Variants in NCAM1 observed in about 807,000 individuals in gnomAD.
NCAM1 encodes the protein neural cell adhesion molecule 1, also known as antigen recognized by monoclonal antibody 5.1H11.
In NCAM1, 14 loss-of-function variants were observed where a neutral mutation model predicts 109.8. The observed-to-expected ratio is 0.13, with a 90% CI of 0.08 to 0.20. NCAM1 has a LOEUF of 0.20. Ranked by LOEUF, NCAM1 falls within the 10% of genes least tolerant of loss-of-function variation. NCAM1 has a pLI of 1.00. For missense variants in NCAM1, 774 were observed against 1,109.9 expected (o/e 0.70, Z 4.30); for synonymous variants, 418 against 442.9 (o/e 0.94, Z 0.70).
chr11:112,985,569 C>T (rs1432461177), intron 1 of NCAM1, among the ~76,000 whole-genome samples: 1 of 151,542 alleles, frequency 6.6e-6, no homozygotes, highest in Non-Finnish European at 1.5e-5. Flanking sequence ...TTTATTTGTG[C>T]CTTCTTCAAT....
intron 1 of NCAM1, among the ~76,000 whole-genome samples, chr11:113,157,315 G>A (rs1942449657): frequency 6.6e-6 from 1 of 152,134 alleles, no homozygotes; most frequent in Non-Finnish European, 1.5e-5. Flanking sequence ...CTTCACTGTT[G>A]AGCAGATGCA....
intron 1 of NCAM1, among the ~76,000 whole-genome samples, chr11:113,047,894 C>A (rs1953327907): frequency 6.6e-6 from 1 of 152,128 alleles, no homozygotes; most frequent in Admixed American, 6.5e-5. Context: ...TGAGTCCCTC[C>A]CACAACACTT....
intron 17 of NCAM1, chr11:113,263,791 C>T: frequency 1.0e-6 from 1 of 985,536 alleles, no homozygotes; most frequent in Non-Finnish European, 1.2e-6. Context: ...TTGGAAGCAT[C>T]CACTGTGAAC....
At chr11:113,073,068 A>G (rs782648496) in intron 1 of NCAM1, among the ~76,000 whole-genome samples, 35 of 152,226 alleles carry the variant, frequency 2.3e-4, no homozygotes, top group Middle Eastern at 3.4e-3. Flanking sequence ...TAGGAACTCA[A>G]TTACTCTAAA....
At chr11:113,241,696 G>A (rs56148662) in intron 14 of NCAM1, among the ~76,000 whole-genome samples, 103 of 152,304 alleles carry the variant, frequency 6.8e-4, no homozygotes, top group East Asian at 1.2e-3. Flanking sequence ...CCACTGTTTG[G>A]AGTTTTGAAC....
At chr11:112,973,856 T>G (rs191384927) in intron 1 of NCAM1, among the ~76,000 whole-genome samples, 35 of 152,260 alleles carry the variant, frequency 2.3e-4, no homozygotes, top group Non-Finnish European at 2.6e-4. Context: ...GAATTGCAAC[T>G]GAGTTGGAAA....
At chr11:113,186,714 C>A (rs1258823508) in intron 1 of NCAM1, among the ~76,000 whole-genome samples, 2 of 152,198 alleles carry the variant, frequency 1.3e-5, no homozygotes, top group Non-Finnish European at 2.9e-5. Flanking sequence ...CAAAGGGTCG[C>A]CCTCTATTCT....
At chr11:113,111,815 TCAA>T (rs1355867575) in intron 1 of NCAM1, among the ~76,000 whole-genome samples, 1 of 152,158 alleles carries the variant, frequency 6.6e-6, no homozygotes, top group African/African-American at 2.4e-5. Flanking sequence ...ATTTTTTCAC[TCAA>T]AAATGTATCA....
At chr11:113,205,771 G>C in intron 4 of NCAM1, 105 bp downstream of exon 4, 1 of 1,437,920 alleles carries the variant, frequency 7.0e-7, no homozygotes, top group Admixed American at 2.2e-5. Context: ...ATTCATGTGT[G>C]CCCGAACCCT....
chr11:113,258,168 C>T (rs1945879898), intron 16 of NCAM1, among the ~76,000 whole-genome samples: 1 of 152,216 alleles, frequency 6.6e-6, no homozygotes, highest in East Asian at 1.9e-4. Context: ...TCTATCAAGA[C>T]TTCTTGTGTG....
Position 112,963,661 on chromosome 11 carries a change from AG to A in NCAM1, c.52+2003del. On this transcript the variant is annotated intron_variant, in intron 1 of 19. Transcript: ENST00000316851. The surrounding 1 kb of genome is among the most constrained non-coding windows in gnomAD (Gnocchi z 4.6). ...CGACCTGTCCACATGGGGCGGGGGA[AG>A]GGGGGTGTTTTTGAGACATCCTCGC... 6.6e-6 allele frequency among the ~76,000 whole-genome samples: 1 copy of A among 152,258 alleles called. No homozygotes were observed. Among genetic ancestry groups the A allele is most frequent in the East Asian group, 1.9e-4 (1 of 5,176 alleles).
At chr11:113,054,727 A>C (rs917413857) in intron 1 of NCAM1, among the ~76,000 whole-genome samples, 1 of 152,162 alleles carries the variant, frequency 6.6e-6, no homozygotes, top group Non-Finnish European at 1.5e-5. Flanking sequence ...TTTTTGATGG[A>C]AAGTCAGAAG....
intron 1 of NCAM1, among the ~76,000 whole-genome samples, chr11:113,186,617 A>G (rs1361473764): frequency 6.6e-6 from 1 of 152,218 alleles, no homozygotes; most frequent in Non-Finnish European, 1.5e-5. Context: ...AGTTAAGATC[A>G]GGAGATGGCC....
chr11:113,270,436 G>A (rs1555125083), intron 18 of NCAM1, 41 bp downstream of exon 18: 1 of 1,594,978 alleles, frequency 6.3e-7, no homozygotes, highest in East Asian at 2.2e-5. Flanking sequence ...TTTGGGCTCT[G>A]CTCCAGCCCA....
chr11:113,277,053 C>G lies in NCAM1; in HGVS notation c.*1666C>G, dbSNP rs1555126758. 6.5e-6 allele frequency: 2 copies of G among 309,438 alleles called. No individual in the cohort carries two copies. Among genetic ancestry groups the G allele is most frequent in the Non-Finnish European group, 1.2e-5 (2 of 170,138 alleles). The allele number at this position is 309,438 out of a possible 1,614,324, so 19.2% of individuals were successfully genotyped here. On this transcript the variant is annotated 3_prime_UTR_variant, in exon 20 of 20. Coordinates refer to ENST00000316851, the MANE Select transcript of NCAM1 (RefSeq NM_181351.5). ...AAATATTCAGGAAACAAAAATCACTCAAACGGAATCGAAGCCTTTTAACAA... is the reference window on the plus strand; with the variant it reads ...AAATATTCAGGAAACAAAAATCACTGAAACGGAATCGAAGCCTTTTAACAA...
chr11:113,137,599 T>G (rs188787939), intron 1 of NCAM1, among the ~76,000 whole-genome samples: 15 of 152,362 alleles, frequency 9.8e-5, no homozygotes, highest in Admixed American at 9.8e-4. Flanking sequence ...AGACTGATTT[T>G]GGCAAAACTC....
chr11:113,068,763 T>TG (rs1181227900), intron 1 of NCAM1, among the ~76,000 whole-genome samples: 5 of 152,106 alleles, frequency 3.3e-5, no homozygotes, highest in African/African-American at 1.2e-4. Context: ...CTGGAATATG[T>TG]GGGGTTTTGA....
intron 15 of NCAM1, among the ~76,000 whole-genome samples, chr11:113,246,687 GA>G (rs1945510839): frequency 1.3e-5 from 2 of 152,220 alleles, no homozygotes; most frequent in African/African-American, 4.8e-5. Flanking sequence ...TTATTTCCTA[GA>G]AAGGTGTTTG....
chr11:113,200,999 G>T (rs143454850), intron 1 of NCAM1, among the ~76,000 whole-genome samples: 5 of 152,022 alleles, frequency 3.3e-5, no homozygotes, highest in African/African-American at 1.2e-4. Flanking sequence ...AGATGACAGC[G>T]TCAGCATCTT....
Sources: allele counts gnomAD v4.1 joint callset (sites outside exome capture counted in the v4.1 genomes callset), GRCh38; gene constraint gnomAD v4.1.1; non-coding constraint Gnocchi (gnomAD v3.1); transcripts MANE v1.5; gene names NCBI Gene and HGNC (gene_info 2026-07-23, HGNC 2026-07-21).